Variants in GOLGA8B observed in about 807,000 individuals in gnomAD.
GOLGA8B encodes golgin subfamily A member 8B.
A neutral mutation model predicts 15.6 loss-of-function variants in GOLGA8B; 1 was observed. The observed-to-expected ratio is 0.06, with a 90% CI of 0.02 to 0.30. GOLGA8B has a LOEUF of 0.30. GOLGA8B is among the 10% of genes least tolerant of loss of function. The probability of loss-of-function intolerance (pLI) is 1.00; values close to 1 mark genes in which losing one functional copy is unlikely to be tolerated. For synonymous variants in GOLGA8B, 9 were observed against 80.3 expected, an observed-to-expected ratio of 0.11 and a Z score of 4.75; for missense variants, 17 against 201.3, an observed-to-expected ratio of 0.08 and a Z score of 5.54.
intron 1 of GOLGA8B, among the ~76,000 whole-genome samples, chr15:34,572,508 G>C (rs1194353193): frequency 6.6e-6 from 1 of 152,238 alleles, no homozygotes; most frequent in East Asian, 1.9e-4. Context: ...CAGCTGGTGA[G>C]CGGATCGAAG....
intron 1 of GOLGA8B, among the ~76,000 whole-genome samples, chr15:34,580,009 A>G (rs7182249): frequency 0.36 from 55,408 of 151,990 alleles, 10,537 homozygotes; most frequent in Admixed American, 0.45. Flanking sequence ...ATGCAGGGCC[A>G]TCAGGGAGCC....
At chr15:34,572,217 T>G (rs1888935292) in intron 1 of GOLGA8B, among the ~76,000 whole-genome samples, 1 of 152,200 alleles carries the variant, frequency 6.6e-6, no homozygotes, top group African/African-American at 2.4e-5. Context: ...ACTAGCATCA[T>G]TTAGAATGGT....
chr15:34,569,890 G>A (rs1260093684), intron 1 of GOLGA8B, among the ~76,000 whole-genome samples: 5 of 152,040 alleles, frequency 3.3e-5, no homozygotes, highest in African/African-American at 4.8e-5. Flanking sequence ...GAGCTTCACA[G>A]ATTCCAGGGC....
chr15:34,581,006 C>T (rs760197728), intron 1 of GOLGA8B, among the ~76,000 whole-genome samples: 24 of 152,186 alleles, frequency 1.6e-4, no homozygotes, highest in Non-Finnish European at 2.5e-4. Flanking sequence ...GAGCTCTCTC[C>T]GTTTCTCTAA....
At chr15:34,576,548 C>A (rs1889086776) in intron 1 of GOLGA8B, among the ~76,000 whole-genome samples, 1 of 152,146 alleles carries the variant, frequency 6.6e-6, no homozygotes, top group African/African-American at 2.4e-5. Flanking sequence ...AACCTTAGGA[C>A]TCAAAGGGTA....
chr15:34,581,913 C>T (rs1482569918), intron 1 of GOLGA8B, among the ~76,000 whole-genome samples: 1 of 152,178 alleles, frequency 6.6e-6, no homozygotes, highest in African/African-American at 2.4e-5. Flanking sequence ...CAAGGGCCCC[C>T]CAACAGTACT....
chr15:34,580,377 G>T (rs1453061274), intron 1 of GOLGA8B, among the ~76,000 whole-genome samples: 1 of 152,172 alleles, frequency 6.6e-6, no homozygotes, highest in Non-Finnish European at 1.5e-5. Flanking sequence ...CTGGGCAATG[G>T]TGTGTCACCA....
In GOLGA8B at chr15:34,526,421, T is replaced by C. The variant is rs1318607573; in HGVS notation, c.*1211A>G. The C allele has an allele frequency of 6.7e-6, 1 of 149,068 alleles. No individual in the cohort carries two copies. The highest frequency in any genetic ancestry group is 2.5e-5 in the African/African-American group (1 of 40,290). The allele number at this position is 149,068 out of a possible 1,614,324, so 9.2% of individuals were successfully genotyped here. On this transcript the variant is annotated 3_prime_UTR_variant, in exon 24 of 24. Coordinates refer to ENST00000683415, the MANE Select transcript of GOLGA8B (RefSeq NM_001023567.5). ...CAAGGAAAAGAAGTAAATTCCTATGTCAGAGTAACCGAGGTGGTTGAAGAA... is the reference window on the plus strand; with the variant it reads ...CAAGGAAAAGAAGTAAATTCCTATGCCAGAGTAACCGAGGTGGTTGAAGAA...
chr15:34,582,875 G>GC (rs1315908616), intron 1 of GOLGA8B: 1 of 152,208 alleles, frequency 6.6e-6, no homozygotes, highest in Non-Finnish European at 1.5e-5. Context: ...TGGAGAAGGG[G>GC]CCCTGCCCCT....
At chr15:34,582,901 C>G (rs1889281953) in intron 1 of GOLGA8B, 1 of 152,152 alleles carries the variant, frequency 6.6e-6, no homozygotes, top group East Asian at 1.9e-4. Context: ...GGCAGGTCTC[C>G]GGGAGGGGCA....
chr15:34,577,014 G>C (rs1415302867), intron 1 of GOLGA8B, among the ~76,000 whole-genome samples: 1 of 149,740 alleles, frequency 6.7e-6, no homozygotes, highest in Non-Finnish European at 1.5e-5. Flanking sequence ...CCCTTCTTGG[G>C]ATGAGTCAAG....
intron 1 of GOLGA8B, among the ~76,000 whole-genome samples, chr15:34,571,458 A>C (rs540486470): frequency 3.7e-4 from 57 of 152,142 alleles, no homozygotes; most frequent in African/African-American, 1.4e-3. Flanking sequence ...CGTAACTTAC[A>C]CGGTAGATAG....
Position 34,566,655 on chromosome 15 carries a change from C to A in GOLGA8B, c.-1122-12699G>T, listed in dbSNP as rs1396535558. On this transcript the variant is annotated intron_variant, in intron 1 of 23. Coordinates refer to ENST00000683415, the MANE Select transcript of GOLGA8B (RefSeq NM_001023567.5). ...ACCTCTTATCCAGACGGGGGCTGCC[C>A]TGTTGACAGCACAAGCAGCTCAGGG... 2.7e-5 allele frequency among the ~76,000 whole-genome samples: 4 copies of A among 146,092 alleles called. 2 individuals carry two copies. The highest frequency in any genetic ancestry group is 1.4e-4 in the Admixed American group (2 of 14,736).
rs1472506086 is a variant in GOLGA8B, at chr15:34,566,874, A to C, written c.-1122-12918T>G. ...TGTCAAGAACCTGAGTTTCTTTCTG[A>C]AACTTGGGTGGGACCCTTTAGAGTT... On this transcript the variant is annotated intron_variant, in intron 1 of 23. Coordinates refer to ENST00000683415, the MANE Select transcript of GOLGA8B (RefSeq NM_001023567.5). Among the ~76,000 whole-genome samples, 13 of 124,920 alleles carry C rather than the reference A, an allele frequency of 1.0e-4. 1 individual carries two copies. The East Asian group carries it at 2.7e-3, about 26-fold the overall frequency. 82.0% of individuals were successfully genotyped at this position (124,920 alleles called of 152,430 possible). A position where few individuals can be genotyped will look rare whatever the true frequency, so the allele number is the denominator to read the frequency against.
rs1032424538 is a variant in GOLGA8B, at chr15:34,580,350, G to A, written c.-1123+3166C>T. Reference sequence around the variant, plus strand: ...GACACATGGATGTGGAGGGAGCACTGGAAAGCCACTGAAGGCCTGGGCAAT... The same window carrying A: ...GACACATGGATGTGGAGGGAGCACTAGAAAGCCACTGAAGGCCTGGGCAAT... On this transcript the variant is annotated intron_variant, in intron 1 of 23. Coordinates refer to ENST00000683415, the MANE Select transcript of GOLGA8B (RefSeq NM_001023567.5). Among the ~76,000 whole-genome samples, 10 of 152,294 alleles carry A rather than the reference G, an allele frequency of 6.6e-5. No homozygotes were observed. In the East Asian group the frequency reaches 1.2e-3, roughly 18 times the overall value.
intron 1 of GOLGA8B, chr15:34,581,609 A>C (rs1321232039): frequency 2.0e-5 from 3 of 152,130 alleles, no homozygotes; most frequent in South Asian, 2.1e-4. Context: ...CTACTTAAGA[A>C]GGTTATGTAA....
At chr15:34,567,546 TCA>T (rs896635285) in intron 1 of GOLGA8B, among the ~76,000 whole-genome samples, 5 of 151,676 alleles carry the variant, frequency 3.3e-5, no homozygotes, top group Non-Finnish European at 7.4e-5. Context: ...CTAAAAGTTG[TCA>T]CAGTCCACTC....
chr15:34,571,928 G>C (rs1888925294), intron 1 of GOLGA8B, among the ~76,000 whole-genome samples: 1 of 151,662 alleles, frequency 6.6e-6, no homozygotes, highest in African/African-American at 2.4e-5. Context: ...AGAAAATGAG[G>C]AATAACCCTG....
At chr15:34,566,311 TAGA>T (rs1888756366) in intron 1 of GOLGA8B, 4 of 142,500 alleles carry the variant, frequency 2.8e-5, no homozygotes, top group Admixed American at 2.7e-4. Flanking sequence ...ATCATACACG[TAGA>T]AGTATTTCAG....
Sources: gnomAD v4.1 joint callset for allele counts (sites outside exome capture counted in the v4.1 genomes callset) on GRCh38, gnomAD v4.1.1 for gene constraint, MANE v1.5 for transcripts, NCBI Gene and HGNC (gene_info 2026-07-23, HGNC 2026-07-21) for gene names.